MUC5AC: variants seen among roughly 807,000 people sequenced by gnomAD.
MUC5AC encodes the protein mucin 5AC, oligomeric mucus/gel-forming.
In MUC5AC, 158 loss-of-function variants were observed where a neutral mutation model predicts 169.7. That is an observed-to-expected ratio of 0.93 (90% CI 0.82 to 1.06). The LOEUF (loss-of-function observed/expected upper bound fraction) is 1.06, where lower values mean the gene tolerates loss of function less well. Ranked by LOEUF, MUC5AC falls within the 50% of genes least tolerant of loss-of-function variation. The probability of loss-of-function intolerance (pLI) is 0.00; values close to 1 mark genes in which losing one functional copy is unlikely to be tolerated. For missense variants in MUC5AC, 4,359 were observed against 3,089.9 expected, an observed-to-expected ratio of 1.41 and a Z score of -9.74; for synonymous variants, 1,975 against 1,237.0, an observed-to-expected ratio of 1.60 and a Z score of -12.52.
At chr11:1,173,799 CTCAT>C (rs1375295659) in intron 16 of MUC5AC, among the ~76,000 whole-genome samples, 1 of 140,492 alleles carries the variant, frequency 7.1e-6, no homozygotes, top group African/African-American at 2.6e-5. Context: ...CGCTCATTCC[CTCAT>C]TCATTCCTTC....
intron 7 of MUC5AC, 33 bp from the exon 8 acceptor site, chr11:1,164,073 G>C: frequency 6.2e-7 from 1 of 1,610,308 alleles, no homozygotes; most frequent in South Asian, 1.1e-5. Flanking sequence ...ATCCCCCACC[G>C]AGGACTCAGA....
At chr11:1,173,319 AT>A (rs1417907136) in intron 16 of MUC5AC, among the ~76,000 whole-genome samples, 25,560 of 150,342 alleles carry the variant, frequency 0.17, 2,392 homozygotes, top group Non-Finnish European at 0.2. Context: ...TCACTCACTC[AT>A]CCACTCACTC....
Position 1,177,255 on chromosome 11 carries a change from A to G in MUC5AC, c.2818A>G (p.Thr940Ala). 1 of 419,622 alleles carries G rather than the reference A, an allele frequency of 2.4e-6. No individual in the cohort carries two copies. Among genetic ancestry groups the G allele is most frequent in the Non-Finnish European group, 4.2e-6 (1 of 237,604 alleles). The allele number at this position is 419,622 out of a possible 1,614,324, so 26.0% of individuals were successfully genotyped here. The change falls in exon 23 of 49, where the codon ACC becomes GCC. Residue 940 changes from threonine (T) to alanine (A), a missense_variant. Coordinates refer to ENST00000621226, the MANE Select transcript of MUC5AC (RefSeq NM_001304359.2). ...VQNHCGGKDS[T>A]QDSFRVVTEN... ...GAACCACTGTGGCGGGAAAGACAGC[A>G]CCCAGGACTCCTTTCGTGTTGTCAC...
intron 1 of MUC5AC, 53 bp from the exon 2 acceptor site, chr11:1,160,559 G>A: frequency 6.6e-7 from 1 of 1,511,858 alleles, no homozygotes; most frequent in Non-Finnish European, 9.0e-7. Context: ...GCCGCAGCCT[G>A]AGCCCCCTCA....
chr11:1,197,320 A>G, intron 40 of MUC5AC, 148 bp from the exon 41 acceptor site: 1 of 616,378 alleles, frequency 1.6e-6, no homozygotes, highest in South Asian at 1.9e-5. Flanking sequence ...CCTACCCTGC[A>G]CTTTTGAAGC....
intron 16 of MUC5AC, among the ~76,000 whole-genome samples, chr11:1,173,375 CTTCACTCACTCA>C (rs1490356107): frequency 2.1e-5 from 3 of 146,164 alleles, no homozygotes; most frequent in Non-Finnish European, 4.5e-5. Flanking sequence ...TCATTCATTC[CTTCACTCACTCA>C]TTCACTCATT....
chr11:1,180,793 G>A (rs1360344433), intron 28 of MUC5AC, among the ~76,000 whole-genome samples: 2 of 152,170 alleles, frequency 1.3e-5, no homozygotes, highest in African/African-American at 2.4e-5. Flanking sequence ...GGCTCAGGGG[G>A]CGGCAGGGGG....
intron 22 of MUC5AC, 41 bp from the exon 23 acceptor site, chr11:1,177,190 G>T (rs118192420): frequency 0.026 from 10,373 of 399,126 alleles, 165 homozygotes; most frequent in Non-Finnish European, 0.033. Context: ...CGGGAAGGAG[G>T]GCAGGGCCTG....
rs1410179770 is a variant in MUC5AC, at chr11:1,186,358, C to A, written c.8213C>A (p.Thr2738Asn). 6 of 716,392 alleles carry A rather than the reference C, an allele frequency of 8.4e-6. No homozygotes were observed. Among genetic ancestry groups the A allele is most frequent in the Admixed American group, 5.9e-5 (3 of 51,162 alleles). 44.4% of individuals were successfully genotyped at this position (716,392 alleles called of 1,614,324 possible). ...ACCAGCACAACCTCTGCCACTACAA[C>A]CAGCACGACCTCTGCTCCTACACCC... ...PTTSTTSATT[T>N]STTSAPTPRR... The change falls in exon 31 of 49, where the codon ACC becomes AAC. Residue 2738 changes from threonine (T) to asparagine (N), a missense_variant. By Grantham distance (65) the Thr-to-Asn change is moderately conservative. Transcript: ENST00000621226.
rs899589214 is a variant in MUC5AC at position 1,196,277 on chromosome 11, G to A, written c.15638-111G>A. ...TGTGGGAGGCCGTAGCCAGGCCCAG[G>A]CCCACAGGTGGCTGCGGGCAGCTCC... On this transcript the variant is annotated intron_variant, in intron 37 of 48. Transcript: ENST00000621226. 3 of 703,918 alleles carry A rather than the reference G, an allele frequency of 4.3e-6. No homozygotes were observed. The East Asian group carries it at 7.6e-5, about 18-fold the overall frequency. The allele number at this position is 703,918 out of a possible 1,614,324, so 43.6% of individuals were successfully genotyped here. A position where few individuals can be genotyped will look rare whatever the true frequency, so the allele number is the denominator to read the frequency against.
intron 1 of MUC5AC, among the ~76,000 whole-genome samples, chr11:1,159,153 C>T (rs550632811): frequency 2.0e-5 from 3 of 152,338 alleles, no homozygotes; most frequent in South Asian, 4.1e-4. Flanking sequence ...CCTCCGCCCA[C>T]TGACGGATTT....
rs55865536 is a variant in MUC5AC at position 1,196,303 on chromosome 11, G to A, written c.15638-85G>A. 756 of 736,184 alleles carry A rather than the reference G, an allele frequency of 1.0e-3. 10 individuals carry two copies. The African/African-American group carries it at 0.011, about 11-fold the overall frequency. The allele number at this position is 736,184 out of a possible 1,614,324, so 45.6% of individuals were successfully genotyped here. ...CCCACAGGTGGCTGCGGGCAGCTCC[G>A]GAGCAGATGTTGGTGCCCAGCGGCC... On this transcript the variant is annotated intron_variant, in intron 37 of 48. Transcript: ENST00000621226.
chr11:1,171,556 C>T (rs1455141240), intron 15 of MUC5AC, among the ~76,000 whole-genome samples: 1 of 141,896 alleles, frequency 7.0e-6, no homozygotes, highest in African/African-American at 2.6e-5. Flanking sequence ...TACTCAACCA[C>T]CCACTCACCC....
chr11:1,167,381 TAC>T (rs1465827965), intron 11 of MUC5AC, among the ~76,000 whole-genome samples: 2 of 151,500 alleles, frequency 1.3e-5, no homozygotes, highest in East Asian at 1.9e-4. Flanking sequence ...CTGCACCCAA[TAC>T]ACAGTTTCCC....
Position 1,164,123 on chromosome 11 carries a change from C to T in MUC5AC, c.807C>T (p.Leu269=). 1 of 1,612,160 alleles carries T rather than the reference C, an allele frequency of 6.2e-7. No homozygotes were observed. The highest frequency in any genetic ancestry group is 8.5e-7 in the Non-Finnish European group (1 of 1,179,858). ...CSTGFGICEE[L]LHGQLFSGCV... is the part of the protein sequence containing the mutation. ...TGTCCTAGGGCATCTGTGAGGAGCT[C>T]CTGCACGGCCAGCTGTTCTCTGGCT... is the stretch of plus-strand genomic sequence containing the variant. The change falls in exon 8 of 49, where the codon CTC becomes CTT. Residue 269 remains leucine (L), a synonymous_variant. Transcript: ENST00000621226.
chr11:1,166,371 GAC>G (rs1444304985), intron 11 of MUC5AC, among the ~76,000 whole-genome samples: 1 of 97,886 alleles, frequency 1.0e-5, no homozygotes, highest in Non-Finnish European at 2.0e-5. Context: ...CCCTGCACCC[GAC>G]ACACAGTCTC....
Position 1,185,646 on chromosome 11 carries a change from A to G in MUC5AC, c.7501A>G (p.Thr2501Ala). 1.4e-6 allele frequency: 1 copy of G among 738,154 alleles called. No homozygotes were observed. The highest frequency in any genetic ancestry group is 2.5e-6 in the Non-Finnish European group (1 of 404,552). The allele number at this position is 738,154 out of a possible 1,614,324, so 45.7% of individuals were successfully genotyped here. The change falls in exon 31 of 49, where the codon ACC becomes GCC. Residue 2501 changes from threonine to alanine, a missense_variant. Transcript: ENST00000621226. ...TPRPVPTTST[T>A]SSPTTSTTSA... ...TAGACCTGTTCCTACCACCAGCACA[A>G]CCTCTTCTCCTACAACCAGCACAAC...
At position 1,162,175 on chromosome 11, in the gene MUC5AC, C is replaced by G. The variant is rs1860163443; in HGVS notation, c.473+7C>G. ...TCCTGGTCAACGGCCACCCGTGAGTCTGGGTTCTGGGATGGTGGGGGCCAC... is the reference window on the plus strand; with the variant it reads ...TCCTGGTCAACGGCCACCCGTGAGTGTGGGTTCTGGGATGGTGGGGGCCAC... On this transcript the variant is annotated splice_region_variant and intron_variant, in intron 4 of 48. Transcript: ENST00000621226. 1 of 1,607,606 alleles carries G rather than the reference C, an allele frequency of 6.2e-7. No individual in the cohort carries two copies. Among genetic ancestry groups the G allele is most frequent in the African/African-American group, 1.3e-5 (1 of 74,840 alleles).
chr11:1,162,394 C>T, intron 4 of MUC5AC, 138 bp from the exon 5 acceptor site: 5 of 1,037,764 alleles, frequency 4.8e-6, no homozygotes, highest in South Asian at 1.6e-5. Flanking sequence ...CCCCCGAGCT[C>T]CAGAGGTCAA....
Sources: allele counts gnomAD v4.1 joint callset (sites outside exome capture counted in the v4.1 genomes callset), GRCh38; gene constraint gnomAD v4.1.1; transcripts MANE v1.5; gene names NCBI Gene and HGNC (gene_info 2026-07-23, HGNC 2026-07-21).